CRTAC1: variants seen among roughly 807,000 people sequenced by gnomAD.
CRTAC1 encodes the protein cartilage acidic protein 1.
Under a neutral mutation model 67.8 loss-of-function variants are expected in CRTAC1, and 37 were observed. That is an observed-to-expected ratio of 0.55 (90% CI 0.42 to 0.72). The LOEUF (loss-of-function observed/expected upper bound fraction) is 0.72. Ranked by LOEUF, CRTAC1 falls within the 30% of genes least tolerant of loss-of-function variation. CRTAC1 has a pLI of 0.00. For synonymous variants in CRTAC1, 348 were observed against 371.0 expected (o/e 0.94, Z 0.71); for missense variants, 780 against 931.6 (o/e 0.84, Z 2.12).
chr10:97,865,790 A>G, intron 14 of CRTAC1, 76 bp from the exon 15 acceptor site: 1 of 1,013,150 alleles, frequency 9.9e-7, no homozygotes, highest in Non-Finnish European at 1.3e-6. Flanking sequence ...CCCGCTTCTG[A>G]GTCATTCTTT....
At chr10:97,904,550 G>T in intron 7 of CRTAC1, 119 bp downstream of exon 7, 1 of 927,832 alleles carries the variant, frequency 1.1e-6, no homozygotes, top group Non-Finnish European at 1.5e-6. Context: ...TACCGGAGTA[G>T]CTGGGATTAT....
chr10:98,005,100 A>ATATTTTT, intron 2 of CRTAC1, among the ~76,000 whole-genome samples: 4 of 48,884 alleles, frequency 8.2e-5, no homozygotes, highest in African/African-American at 3.5e-4. Flanking sequence ...ATATATATAT[A>ATATTTTT]TTTTTTTTTT....
chr10:97,987,212 C>T (rs2051996485), intron 2 of CRTAC1, among the ~76,000 whole-genome samples: 1 of 152,216 alleles, frequency 6.6e-6, no homozygotes, highest in African/African-American at 2.4e-5. Context: ...CCAGTAGCCC[C>T]TTGGTCCCCA....
At chr10:97,888,842 G>C (rs936409064) in intron 11 of CRTAC1, among the ~76,000 whole-genome samples, 2 of 152,150 alleles carry the variant, frequency 1.3e-5, no homozygotes, top group Non-Finnish European at 2.9e-5. Flanking sequence ...GCAGCAGTGA[G>C]TCACCTCTGG....
intron 11 of CRTAC1, among the ~76,000 whole-genome samples, chr10:97,892,878 T>C (rs2050397905): frequency 6.6e-6 from 1 of 152,128 alleles, no homozygotes. Context: ...AGGCTCTGGG[T>C]CCCCTAAATA....
In CRTAC1 at chr10:98,011,195, T is replaced by C. The variant is rs918259521; in HGVS notation, c.167A>G (p.Tyr56Cys). Reference sequence around the variant, plus strand: ...GTCCACATCAGTAACTGCCACACCATAGTTGAGCTGGGTGGGATTACTGTC... The same window carrying C: ...GTCCACATCAGTAACTGCCACACCACAGTTGAGCTGGGTGGGATTACTGTC... ...DYDSNPTQLN[Y>C]GVAVTDVDHD... Residue 56 changes from tyrosine to cysteine, a missense_variant, in exon 2 of 15, where the codon TAT (tyrosine) becomes TGT (cysteine). Tyr to Cys is a radical substitution (Grantham distance 194). Transcript: ENST00000370597. 1 of 1,614,020 alleles carries C rather than the reference T, an allele frequency of 6.2e-7. No individual in the cohort carries two copies. Among genetic ancestry groups the C allele is most frequent in the African/African-American group, 1.3e-5 (1 of 74,900 alleles).
intron 1 of CRTAC1, among the ~76,000 whole-genome samples, chr10:98,013,534 T>C (rs142944884): frequency 1.1e-4 from 16 of 152,340 alleles, no homozygotes; most frequent in African/African-American, 3.8e-4. Context: ...AAAGAAATAA[T>C]GCACCCATTG....
chr10:97,879,190 C>G (rs1228506654), intron 14 of CRTAC1, among the ~76,000 whole-genome samples: 1 of 152,096 alleles, frequency 6.6e-6, no homozygotes, highest in African/African-American at 2.4e-5. Context: ...TCAAGAGTCC[C>G]AAAGGACCAC....
intron 2 of CRTAC1, among the ~76,000 whole-genome samples, chr10:97,959,644 C>T (rs2051492584): frequency 2.0e-5 from 3 of 152,190 alleles, no homozygotes; most frequent in Admixed American, 2.0e-4. Context: ...GGCCCCCTGC[C>T]ACTCGGCCAT....
intron 2 of CRTAC1, 114 bp downstream of exon 2, chr10:98,011,024 C>T (rs889626354): frequency 2.2e-6 from 2 of 909,816 alleles, no homozygotes; most frequent in South Asian, 1.5e-5. Flanking sequence ...CAACCACAGA[C>T]CTATGAGTGA....
intron 2 of CRTAC1, among the ~76,000 whole-genome samples, chr10:97,957,045 G>A (rs921395325): frequency 6.6e-6 from 1 of 151,826 alleles, no homozygotes; most frequent in Non-Finnish European, 1.5e-5. Flanking sequence ...TGAGCTCCTG[G>A]GCTCAGTGAT....
At chr10:97,875,457 G>C (rs560314783) in intron 14 of CRTAC1, among the ~76,000 whole-genome samples, 1 of 152,340 alleles carries the variant, frequency 6.6e-6, no homozygotes, top group African/African-American at 2.4e-5. Context: ...ACAAGCCACC[G>C]TGGGAGAGGC....
chr10:98,009,173 A>G (rs148103014), intron 2 of CRTAC1, among the ~76,000 whole-genome samples: 99 of 152,356 alleles, frequency 6.5e-4, no homozygotes, highest in African/African-American at 2.4e-3. Context: ...TCCTTCTAAA[A>G]GCCCAGAACT....
intron 5 of CRTAC1, among the ~76,000 whole-genome samples, chr10:97,912,578 A>T (rs2050703010): frequency 6.6e-6 from 1 of 152,074 alleles, no homozygotes; most frequent in East Asian, 1.9e-4. Context: ...CTCAGACTGC[A>T]TCTGGGCCAG....
intron 2 of CRTAC1, among the ~76,000 whole-genome samples, chr10:97,973,973 C>CAA (rs552987541): frequency 1.3e-4 from 9 of 68,908 alleles, no homozygotes; most frequent in Non-Finnish European, 3.0e-4. Context: ...GATCCCATAC[C>CAA]AAAAAAAAAA....
chr10:97,936,177 G>A lies in CRTAC1; in HGVS notation c.414C>T (p.Ala138=), dbSNP rs1400429085. 2 of 1,604,856 alleles carry A rather than the reference G, an allele frequency of 1.2e-6. No homozygotes were observed. Among genetic ancestry groups the A allele is most frequent in the South Asian group, 1.1e-5 (1 of 90,402 alleles). The change falls in exon 3 of 15, where the codon GCC becomes GCT. Residue 138 remains alanine, a synonymous_variant. Transcript: ENST00000370597. ...CTGAGCCCCAGCCCTTACCCGAGAA[G>A]GCATTATTGGTGTTGAGGAAGTAGA... ...EEIYFLNTNN[A]FSGVATYTDK... is the part of the protein sequence containing the mutation.
At chr10:98,010,856 T>C (rs748295923) in intron 2 of CRTAC1, among the ~76,000 whole-genome samples, 3 of 152,164 alleles carry the variant, frequency 2.0e-5, no homozygotes, top group African/African-American at 7.2e-5. Flanking sequence ...GACAGTGCCT[T>C]AAAGCAGAGC....
intron 2 of CRTAC1, among the ~76,000 whole-genome samples, chr10:97,946,871 G>T (rs1027779314): frequency 6.6e-6 from 1 of 152,194 alleles, no homozygotes; most frequent in Non-Finnish European, 1.5e-5. Flanking sequence ...TCTCGAAACG[G>T]TCTGGTTCGA....
intron 2 of CRTAC1, among the ~76,000 whole-genome samples, chr10:97,947,699 A>G (rs1399999223): frequency 6.6e-6 from 1 of 152,214 alleles, no homozygotes; most frequent in Non-Finnish European, 1.5e-5. Context: ...TAAAGACAGA[A>G]GCATGGTCTT....
Sources: allele counts gnomAD v4.1 joint callset (sites outside exome capture counted in the v4.1 genomes callset), GRCh38; gene constraint gnomAD v4.1.1; transcripts MANE v1.5; gene names NCBI Gene and HGNC (gene_info 2026-07-23, HGNC 2026-07-21).